SORL1: variants seen among roughly 807,000 people sequenced by gnomAD.
The protein encoded by SORL1 is sortilin-related receptor.
SORL1 carries 127 observed loss-of-function variants against 273.7 expected under a neutral mutation model. The ratio of observed to expected loss-of-function variants is 0.46; its 90% CI spans 0.40 to 0.54. The LOEUF (loss-of-function observed/expected upper bound fraction) is 0.54, where lower values mean the gene tolerates loss of function less well. Among genes scored for constraint, SORL1 ranks in the 20% least tolerant of loss-of-function variants. SORL1 has a pLI of 0.00. For synonymous variants in SORL1, 1,031 were observed against 1,067.4 expected, an observed-to-expected ratio of 0.97 and a Z score of 0.66; for missense variants, 2,494 against 2,846.1, an observed-to-expected ratio of 0.88 and a Z score of 2.81.
chr11:121,518,713 A>G (rs1027792514), intron 8 of SORL1, among the ~76,000 whole-genome samples: 3 of 152,166 alleles, frequency 2.0e-5, no homozygotes, highest in Non-Finnish European at 4.4e-5. Flanking sequence ...CCAGCATTTC[A>G]TTCGGCACTC....
chr11:121,509,622 A>G (rs1396492409), intron 6 of SORL1, among the ~76,000 whole-genome samples: 2 of 152,046 alleles, frequency 1.3e-5, no homozygotes, highest in East Asian at 1.9e-4. Context: ...GATTACAGGC[A>G]TACTCTACCA....
At chr11:121,582,097 T>C (rs967563187) in intron 25 of SORL1, among the ~76,000 whole-genome samples, 4 of 152,250 alleles carry the variant, frequency 2.6e-5, no homozygotes, top group African/African-American at 9.6e-5. Context: ...TGTATATACA[T>C]GCTGCCAAAT....
At chr11:121,478,061 T>A (rs933357302) in intron 2 of SORL1, 57 bp from the exon 3 acceptor site, 2 of 1,495,944 alleles carry the variant, frequency 1.3e-6, no homozygotes, top group East Asian at 2.3e-5. Context: ...AAGAAAGATC[T>A]TTCTGCCAGT....
chr11:121,577,814 G>C (rs1227009814), intron 25 of SORL1, among the ~76,000 whole-genome samples: 1 of 152,208 alleles, frequency 6.6e-6, no homozygotes, highest in Non-Finnish European at 1.5e-5. Flanking sequence ...CCCGTTTTGG[G>C]TAAGATTTTA....
chr11:121,501,091 CTA>C (rs1340409809), intron 6 of SORL1, among the ~76,000 whole-genome samples: 1 of 152,126 alleles, frequency 6.6e-6, no homozygotes, highest in Non-Finnish European at 1.5e-5. Flanking sequence ...ATTATTTTAA[CTA>C]TGTTACTTAA....
chr11:121,574,388 C>T (rs1862894830), intron 24 of SORL1, 25 bp downstream of exon 24: 1 of 1,610,048 alleles, frequency 6.2e-7, no homozygotes, highest in Non-Finnish European at 8.5e-7. Flanking sequence ...CATCCTGAAA[C>T]CCTGCTCTGG....
chr11:121,628,003 G>C (rs1217701736), intron 47 of SORL1, among the ~76,000 whole-genome samples: 1 of 152,174 alleles, frequency 6.6e-6, no homozygotes, highest in Admixed American at 6.5e-5. Context: ...GCCTGAAACA[G>C]GGAGCTTGCC....
rs565137070 is a variant in SORL1 at position 121,595,862 on chromosome 11, C to T, written c.4519+90C>T. 4.0e-5 allele frequency: 56 copies of T among 1,405,486 alleles called. No homozygotes were observed. The highest frequency in any genetic ancestry group is 2.4e-4 in the South Asian group (19 of 80,006). The allele number at this position is 1,405,486 out of a possible 1,614,324, so 87.1% of individuals were successfully genotyped here. On this transcript the variant is annotated intron_variant, in intron 32 of 47. Coordinates refer to ENST00000260197, the MANE Select transcript of SORL1 (RefSeq NM_003105.6). The surrounding 1 kb of genome is among the most constrained non-coding windows in gnomAD (Gnocchi z 5.1). ...TCTGCTTCATTTCTGGATCAGCACA[C>T]GCCTGTGTGTGAGTCTGTGTACTTG...
chr11:121,597,790 A>G (rs1437853969), intron 32 of SORL1, among the ~76,000 whole-genome samples: 2 of 152,186 alleles, frequency 1.3e-5, no homozygotes, highest in Admixed American at 1.3e-4. Flanking sequence ...TGGGAGGGAC[A>G]TCAAGTCAGC....
intron 12 of SORL1, among the ~76,000 whole-genome samples, chr11:121,538,899 G>A (rs1300232045): frequency 3.9e-5 from 6 of 152,010 alleles, no homozygotes; most frequent in Admixed American, 6.5e-5. Context: ...GGCTGGTCTC[G>A]ATTTCTTGAC....
rs537560611 is a variant in SORL1, at chr11:121,604,413, G to A, written c.4651+89G>A. On this transcript the variant is annotated intron_variant, in intron 33 of 47. Transcript: ENST00000260197. The stretch of plus-strand genomic sequence containing the variant: ...CCCCTCCTGTGTAGACCTTGAGCTA[G>A]GACCCTTTTGAACTGTTGCTCAATC... The A allele has an allele frequency of 2.0e-4, 296 of 1,489,692 alleles. 2 individuals carry two copies. In the South Asian group the frequency reaches 3.3e-3, roughly 17 times the overall value. 92.3% of individuals were successfully genotyped at this position (1,489,692 alleles called of 1,614,324 possible). A position where few individuals can be genotyped will look rare whatever the true frequency, so the allele number is the denominator to read the frequency against.
chr11:121,462,211 T>C (rs909176842), intron 1 of SORL1, among the ~76,000 whole-genome samples: 4 of 152,154 alleles, frequency 2.6e-5, no homozygotes, highest in Non-Finnish European at 5.9e-5. Flanking sequence ...TACTTTTTTT[T>C]CTCCACCTTT....
At chr11:121,569,279 G>A (rs1442826081) in intron 22 of SORL1, among the ~76,000 whole-genome samples, 1 of 152,168 alleles carries the variant, frequency 6.6e-6, no homozygotes, top group African/African-American at 2.4e-5. Flanking sequence ...GAGCATGTGT[G>A]TTTGAACAAT....
At chr11:121,566,540 G>T (rs1168599322) in intron 21 of SORL1, among the ~76,000 whole-genome samples, 4 of 152,156 alleles carry the variant, frequency 2.6e-5, no homozygotes, top group African/African-American at 9.7e-5. Context: ...ACGGTCTGCA[G>T]ACTGAGCTTA....
rs534427711 is a variant in SORL1, at chr11:121,562,329, C to T, written c.3049+2672C>T. Among the ~76,000 whole-genome samples the T allele has an allele frequency of 5.9e-5, 9 of 152,302 alleles. No homozygotes were observed. In the South Asian group the frequency reaches 1.2e-3, roughly 21 times the overall value. On this transcript the variant is annotated intron_variant, in intron 21 of 47. Coordinates refer to ENST00000260197, the MANE Select transcript of SORL1 (RefSeq NM_003105.6). The stretch of plus-strand genomic sequence containing the variant: ...TTTTGTTGTCTCCTCCTAACACATT[C>T]GGGACTTTCTACAGTAGTCTCCTGC...
intron 14 of SORL1, 58 bp downstream of exon 14, chr11:121,545,487 G>A: frequency 6.6e-7 from 1 of 1,520,786 alleles, no homozygotes; most frequent in Admixed American, 1.7e-5. Flanking sequence ...CAGCAGTGTT[G>A]GGGGAAGAGA....
chr11:121,542,712 C>G (rs746372349), intron 12 of SORL1, among the ~76,000 whole-genome samples: 23 of 152,052 alleles, frequency 1.5e-4, no homozygotes, highest in African/African-American at 5.3e-4. Context: ...CTGTTCAGAT[C>G]ATCTGAACAT....
chr11:121,483,720 G>GA (rs1273405687), intron 3 of SORL1, among the ~76,000 whole-genome samples: 1 of 152,186 alleles, frequency 6.6e-6, no homozygotes, highest in African/African-American at 2.4e-5. Context: ...AGGCAGCACA[G>GA]AGACTTAAAA....
chr11:121,590,155 T>C lies in SORL1; in HGVS notation c.4194T>C (p.Ser1398=). The change falls in exon 30 of 48, where the codon TCT becomes TCC. Residue 1398 remains serine (S), a synonymous_variant. Coordinates refer to ENST00000260197, the MANE Select transcript of SORL1 (RefSeq NM_003105.6). The part of the protein sequence containing the change: ...CDRENDCGDW[S]DEKDCGDSHI... ...GGGAGAACGACTGTGGGGACTGGTC[T>C]GATGAGAAGGATTGTGGAGGTAAGA... The C allele has an allele frequency of 6.2e-7, 1 of 1,614,148 alleles. No individual in the cohort carries two copies. The highest frequency in any genetic ancestry group is 8.5e-7 in the Non-Finnish European group (1 of 1,180,018).
Sources: allele counts gnomAD v4.1 joint callset (sites outside exome capture counted in the v4.1 genomes callset), GRCh38; gene constraint gnomAD v4.1.1; non-coding constraint Gnocchi (gnomAD v3.1); transcripts MANE v1.5; gene names NCBI Gene and HGNC (gene_info 2026-07-23, HGNC 2026-07-21).